The following TTC7A variants were observed in gnomAD, a reference collection of about 807,000 sequenced individuals.
The protein encoded by TTC7A is tetratricopeptide repeat protein 7A.
In TTC7A, 110 loss-of-function variants were observed where a neutral mutation model predicts 103.7. That is an observed-to-expected ratio of 1.06 (90% confidence interval 0.91 to 1.24). The LOEUF (loss-of-function observed/expected upper bound fraction) is 1.24, where lower values mean the gene tolerates loss of function less well. Ranked by LOEUF, TTC7A falls within the 50% of genes most tolerant of loss-of-function variation. The probability of loss-of-function intolerance (pLI) is 0.00; values close to 1 mark genes in which losing one functional copy is unlikely to be tolerated. For synonymous variants in TTC7A, 521 were observed against 467.9 expected (o/e 1.11, Z -1.47); for missense variants, 1,340 against 1,116.3 (o/e 1.20, Z -2.86).
intron 1 of TTC7A, among the ~76,000 whole-genome samples, chr2:46,946,587 C>G (rs1412802315): frequency 3.3e-5 from 5 of 152,100 alleles, no homozygotes; most frequent in African/African-American, 7.2e-5. Flanking sequence ...CTAACATCAG[C>G]TAACTTTTTT....
intron 8 of TTC7A, among the ~76,000 whole-genome samples, chr2:46,997,820 C>G (rs369557628): frequency 2.6e-5 from 4 of 152,100 alleles, no homozygotes; most frequent in African/African-American, 7.2e-5. Flanking sequence ...TCTGTCTTCC[C>G]AAGTCATTTT....
intron 5 of TTC7A, among the ~76,000 whole-genome samples, chr2:46,988,791 C>G (rs1675306042): frequency 6.6e-6 from 1 of 152,148 alleles, no homozygotes; most frequent in Non-Finnish European, 1.5e-5. Context: ...CAGGTGTTGT[C>G]TTTCTCAGGG....
chr2:47,066,839 A>G (rs2104805654), intron 19 of TTC7A, among the ~76,000 whole-genome samples: 1 of 152,328 alleles, frequency 6.6e-6, no homozygotes, highest in East Asian at 1.9e-4. Flanking sequence ...TACAGGCATG[A>G]GCCACCATGT....
At chr2:47,054,114 C>T (rs1055715949) in intron 18 of TTC7A, 22 of 985,262 alleles carry the variant, frequency 2.2e-5, no homozygotes, top group African/African-American at 1.9e-4. Context: ...AAGAGAACTC[C>T]GAGAACAGCA....
Position 47,073,876 on chromosome 2 carries a change from GCCAGCAGCCCTGTACTGCCCTTCT to G in TTC7A, c.2534_2557del (p.Ser845_Ser852del). The G allele has an allele frequency of 6.2e-7, 1 of 1,613,490 alleles. No homozygotes were observed. Among genetic ancestry groups the G allele is most frequent in the Admixed American group, 1.7e-5 (1 of 60,022 alleles). ...CTTCCTCACCGCCCTTGAGCTGGAG[GCCAGCAGCCCTGTACTGCCCTTCT>G]CCATCATCCCCAGAGAGCTCTGACG... On this transcript the variant is annotated inframe_deletion, in exon 20 of 20. Transcript: ENST00000319190.
intron 2 of TTC7A, among the ~76,000 whole-genome samples, chr2:46,932,007 T>C (rs1441125691): frequency 1.3e-5 from 2 of 152,194 alleles, no homozygotes; most frequent in Non-Finnish European, 1.5e-5. Context: ...AAAAATCATA[T>C]GACAATCTCA....
At chr2:47,006,557 G>T in intron 9 of TTC7A, 84 bp from the exon 10 acceptor site, 1 of 1,238,694 alleles carries the variant, frequency 8.1e-7, no homozygotes, top group Non-Finnish European at 1.2e-6. Context: ...GCGGTGACTT[G>T]GGCAGTAACT....
At chr2:46,999,481 T>C (rs765129841) in intron 8 of TTC7A, 32 of 985,308 alleles carry the variant, frequency 3.2e-5, no homozygotes, top group Admixed American at 6.1e-5. Flanking sequence ...TCTAATCTTA[T>C]TCAAGGAGCT....
At chr2:46,931,481 A>T (rs188947806) in intron 2 of TTC7A, among the ~76,000 whole-genome samples, 14 of 152,322 alleles carry the variant, frequency 9.2e-5, no homozygotes, top group African/African-American at 3.4e-4. Context: ...CCATGAGCCC[A>T]ATATAATCAC....
chr2:46,948,189 C>G (rs183301714), intron 1 of TTC7A, among the ~76,000 whole-genome samples: 2 of 152,222 alleles, frequency 1.3e-5, no homozygotes, highest in South Asian at 4.1e-4. Flanking sequence ...AGCTGGGGGA[C>G]GGGGCCAGCA....
rs546578091 is a variant in TTC7A at position 46,967,469 on chromosome 2, G to A, written c.518-7504G>A. Among the ~76,000 whole-genome samples, 5 of 152,180 alleles carry A rather than the reference G, an allele frequency of 3.3e-5. No individual in the cohort carries two copies. In the East Asian group the frequency reaches 9.6e-4, roughly 29 times the overall value. On this transcript the variant is annotated intron_variant, in intron 3 of 19. Coordinates refer to ENST00000319190, the MANE Select transcript of TTC7A (RefSeq NM_020458.4). ...TTCTATTTTCTGTTTTTATGAATTT[G>A]ATTACGCAAGTACCTCATGTAAGAG...
intron 8 of TTC7A, among the ~76,000 whole-genome samples, chr2:47,004,018 G>A (rs984371330): frequency 6.6e-6 from 1 of 152,178 alleles, no homozygotes; most frequent in African/African-American, 2.4e-5. Context: ...GACTTCACTG[G>A]GAAGGAGGGG....
At chr2:47,047,737 T>G (rs1573021789) in intron 16 of TTC7A, among the ~76,000 whole-genome samples, 2 of 152,346 alleles carry the variant, frequency 1.3e-5, no homozygotes, top group South Asian at 2.1e-4. Flanking sequence ...CTCCCAGCAT[T>G]GAAGACCTGG....
Position 46,978,898 on chromosome 2 carries a change from T to C in TTC7A, c.755T>C (p.Leu252Pro), listed in dbSNP as rs1231043572. 1.2e-6 allele frequency: 2 copies of C among 1,612,954 alleles called. No homozygotes were observed. Among genetic ancestry groups the C allele is most frequent in the Admixed American group, 1.7e-5 (1 of 60,000 alleles). Reference sequence around the variant, plus strand: ...CTCCAGAGCGCCTATGTGAAAAACCTGAAGAAGGGGTAGGTCACTGGTAGT... The same window carrying C: ...CTCCAGAGCGCCTATGTGAAAAACCCGAAGAAGGGGTAGGTCACTGGTAGT... ...AALQSAYVKN[L>P]KKGNIVKGMR... is the part of the protein sequence containing the mutation. Residue 252 changes from leucine to proline, a missense_variant, in exon 5 of 20, where the codon CTG becomes CCG. Transcript: ENST00000319190.
chr2:46,969,283 C>T (rs1213339377), intron 3 of TTC7A, among the ~76,000 whole-genome samples: 6 of 151,720 alleles, frequency 4.0e-5, no homozygotes, highest in Non-Finnish European at 8.8e-5. Context: ...GCGGGTGGAT[C>T]ACGAGGTCAG....
At chr2:47,040,103 G>C (rs1054870923) in intron 15 of TTC7A, among the ~76,000 whole-genome samples, 5 of 152,206 alleles carry the variant, frequency 3.3e-5, no homozygotes, top group Non-Finnish European at 7.4e-5. Flanking sequence ...CCTGGGTGAG[G>C]GGTGGCCGGT....
intron 19 of TTC7A, 109 bp from the exon 20 acceptor site, chr2:47,073,593 C>T (rs1043162577): frequency 3.3e-6 from 3 of 918,538 alleles, no homozygotes; most frequent in African/African-American, 1.6e-5. Flanking sequence ...CGCGGGAATC[C>T]TCTCGAGCTG....
chr2:46,961,354 A>T (rs1672350728), intron 3 of TTC7A, among the ~76,000 whole-genome samples: 2 of 152,296 alleles, frequency 1.3e-5, no homozygotes, highest in Admixed American at 6.5e-5. Flanking sequence ...AGGTGGGCAG[A>T]TCACGAGGTC....
intron 5 of TTC7A, among the ~76,000 whole-genome samples, chr2:46,979,200 C>T (rs1470909947): frequency 6.6e-6 from 1 of 152,086 alleles, no homozygotes; most frequent in African/African-American, 2.4e-5. Flanking sequence ...GGGTGGAGGG[C>T]ATCTGGGAGG....
Sources: gnomAD v4.1 joint callset for allele counts (sites outside exome capture counted in the v4.1 genomes callset) on GRCh38, gnomAD v4.1.1 for gene constraint, MANE v1.5 for transcripts, NCBI Gene and HGNC (gene_info 2026-07-23, HGNC 2026-07-21) for gene names.